Variants in SPAG16 observed in about 807,000 individuals in gnomAD.
SPAG16 encodes the protein sperm-associated antigen 16 protein.
A neutral mutation model predicts 80.4 loss-of-function variants in SPAG16; 86 were observed. The observed-to-expected ratio is 1.07, with a 90% confidence interval of 0.90 to 1.28. The LOEUF (loss-of-function observed/expected upper bound fraction) is 1.28. Among genes scored for constraint, SPAG16 ranks in the 50% most tolerant of loss-of-function variants. The pLI is 0.00. For synonymous variants in SPAG16, 294 were observed against 265.9 expected (o/e 1.11, Z -1.03); for missense variants, 870 against 765.3 (o/e 1.14, Z -1.61).
chr2:213,968,340 C>A (rs553050075), intron 12 of SPAG16, among the ~76,000 whole-genome samples: 4 of 151,796 alleles, frequency 2.6e-5, no homozygotes, highest in Non-Finnish European at 4.4e-5. Context: ...ACACCCACAC[C>A]TGCCACCACA....
chr2:213,864,416 G>A (rs984454504), intron 11 of SPAG16, among the ~76,000 whole-genome samples: 3 of 151,938 alleles, frequency 2.0e-5, no homozygotes, highest in African/African-American at 7.2e-5. Flanking sequence ...CCTAAAATAA[G>A]TTTGATTTAA....
rs1293761373 is a variant in SPAG16, at chr2:213,407,872, GAGGAGAGAGGCAGAGAGAGAGAGAC to G, written c.942+32776_942+32800del. 1.7e-3 allele frequency among the ~76,000 whole-genome samples: 213 copies of G among 124,550 alleles called. 4 individuals carry two copies. The highest frequency in any genetic ancestry group is 5.6e-3 in the African/African-American group (197 of 35,076). 81.7% of individuals were successfully genotyped at this position (124,550 alleles called of 152,430 possible). The stretch of plus-strand genomic sequence containing the variant: ...GAGAGGCAGAGAGAGAGACAGGAGA[GAGGAGAGAGGCAGAGAGAGAGAGAC>G]AGGAGAGAGGCAGAGAGAGAGACAG... On this transcript the variant is annotated intron_variant, in intron 9 of 15. Coordinates refer to ENST00000331683, the MANE Select transcript of SPAG16 (RefSeq NM_024532.5).
intron 15 of SPAG16, among the ~76,000 whole-genome samples, chr2:214,200,860 C>T (rs964881153): frequency 1.3e-5 from 2 of 152,098 alleles, no homozygotes; most frequent in African/African-American, 4.8e-5. Context: ...TTCCCCAGCC[C>T]ATTAGCTTTT....
intron 10 of SPAG16, among the ~76,000 whole-genome samples, chr2:213,550,673 T>C (rs1337499927): frequency 6.6e-6 from 1 of 152,158 alleles, no homozygotes; most frequent in African/African-American, 2.4e-5. Flanking sequence ...TATTATGCAT[T>C]ATATTCACTG....
intron 13 of SPAG16, among the ~76,000 whole-genome samples, chr2:214,090,962 G>T (rs527247241): frequency 6.6e-6 from 1 of 152,080 alleles, no homozygotes; most frequent in South Asian, 2.1e-4. Context: ...CGCCATACTG[G>T]ATTATTACTT....
intron 9 of SPAG16, among the ~76,000 whole-genome samples, chr2:213,472,990 C>A (rs1308795091): frequency 6.6e-6 from 1 of 152,170 alleles, no homozygotes; most frequent in African/African-American, 2.4e-5. Flanking sequence ...TCTTGGCTCC[C>A]CCTTCATTCA....
At chr2:214,325,997 G>A (rs80203510) in intron 15 of SPAG16, among the ~76,000 whole-genome samples, 9,764 of 152,106 alleles carry the variant, frequency 0.064, 799 homozygotes, top group African/African-American at 0.19. Context: ...TAATATAATA[G>A]GTATAGTGGA....
At chr2:214,191,081 C>T (rs753656082) in intron 15 of SPAG16, among the ~76,000 whole-genome samples, 2 of 152,076 alleles carry the variant, frequency 1.3e-5, no homozygotes, top group Non-Finnish European at 2.9e-5. Flanking sequence ...CCTCAATTAT[C>T]CATTCTTCTT....
chr2:213,455,866 A>G (rs1418627940), intron 9 of SPAG16, among the ~76,000 whole-genome samples: 1 of 152,198 alleles, frequency 6.6e-6, no homozygotes, highest in East Asian at 1.9e-4. Flanking sequence ...CCATGACTCA[A>G]GATAGTCACC....
At chr2:214,218,767 C>T (rs2058494223) in intron 15 of SPAG16, among the ~76,000 whole-genome samples, 1 of 152,182 alleles carries the variant, frequency 6.6e-6, no homozygotes, top group Non-Finnish European at 1.5e-5. Context: ...TTTGTTGAGG[C>T]ATGAGTTTGG....
At chr2:213,394,235 CAG>C (rs1215459253) in intron 9 of SPAG16, among the ~76,000 whole-genome samples, 1 of 152,118 alleles carries the variant, frequency 6.6e-6, no homozygotes, top group African/African-American at 2.4e-5. Context: ...GACATAAAAA[CAG>C]ATATTATCTT....
chr2:213,678,046 A>G (rs1191483553), intron 10 of SPAG16, among the ~76,000 whole-genome samples: 1 of 152,106 alleles, frequency 6.6e-6, no homozygotes, highest in African/African-American at 2.4e-5. Flanking sequence ...TGAAGGCAGA[A>G]ATAAAGATGT....
At chr2:214,172,243 C>A (rs1382864341) in intron 15 of SPAG16, among the ~76,000 whole-genome samples, 2 of 151,944 alleles carry the variant, frequency 1.3e-5, no homozygotes. Context: ...TATCCCTCCC[C>A]ACTTCCCCTA....
At chr2:213,895,192 C>T (rs934315445) in intron 11 of SPAG16, among the ~76,000 whole-genome samples, 1 of 151,874 alleles carries the variant, frequency 6.6e-6, no homozygotes, top group Non-Finnish European at 1.5e-5. Context: ...ATATAAAATA[C>T]TTAGCAATCA....
intron 15 of SPAG16, among the ~76,000 whole-genome samples, chr2:214,401,476 T>A (rs1383658214): frequency 6.6e-6 from 1 of 151,968 alleles, no homozygotes; most frequent in East Asian, 1.9e-4. Flanking sequence ...GATAAATTTC[T>A]TATGATCTGT....
chr2:213,738,747 T>C (rs2067409883), intron 10 of SPAG16, among the ~76,000 whole-genome samples: 1 of 152,220 alleles, frequency 6.6e-6, no homozygotes, highest in Admixed American at 6.5e-5. Flanking sequence ...ACCAATTATT[T>C]CCAACTCTCC....
intron 15 of SPAG16, among the ~76,000 whole-genome samples, chr2:214,231,247 A>G (rs1039397372): frequency 5.9e-5 from 9 of 152,050 alleles, no homozygotes; most frequent in Non-Finnish European, 1.3e-4. Flanking sequence ...AGCCTGGAAT[A>G]GAAAGGTAGA....
intron 10 of SPAG16, among the ~76,000 whole-genome samples, chr2:213,700,824 C>T (rs2065377500): frequency 6.6e-6 from 1 of 152,186 alleles, no homozygotes; most frequent in South Asian, 2.1e-4. Context: ...TAGATATTCT[C>T]TATCATTGTT....
At chr2:213,296,887 A>T (rs761466232) in intron 2 of SPAG16, 7 of 341,882 alleles carry the variant, frequency 2.0e-5, no homozygotes, top group Non-Finnish European at 3.7e-5. Context: ...TTTTTTAATA[A>T]ACGAGAGATT....
Sources: gnomAD v4.1 joint callset for allele counts (sites outside exome capture counted in the v4.1 genomes callset) on GRCh38, gnomAD v4.1.1 for gene constraint, MANE v1.5 for transcripts, NCBI Gene and HGNC (gene_info 2026-07-23, HGNC 2026-07-21) for gene names.